The following PBX3 variants were observed in gnomAD, a reference collection of about 807,000 sequenced individuals.
The protein encoded by PBX3 is pre-B-cell leukemia transcription factor 3.
A neutral mutation model predicts 48.5 loss-of-function variants in PBX3; 14 were observed. That is an observed-to-expected ratio of 0.29 (90% CI 0.19 to 0.45). The LOEUF (loss-of-function observed/expected upper bound fraction) is 0.45. Ranked by LOEUF, PBX3 falls within the 20% of genes least tolerant of loss-of-function variation. The pLI is 1.00. For missense variants in PBX3, 386 were observed against 546.7 expected (o/e 0.71, Z 2.93); for synonymous variants, 210 against 200.3 (o/e 1.05, Z -0.41).
intron 2 of PBX3, among the ~76,000 whole-genome samples, chr9:125,909,704 A>G (rs916705449): frequency 6.6e-6 from 1 of 152,112 alleles, no homozygotes; most frequent in Non-Finnish European, 1.5e-5. Flanking sequence ...TCATAGAAAA[A>G]CACTGGTGAT....
chr9:125,843,713 A>C, intron 2 of PBX3: 1 of 432,934 alleles, frequency 2.3e-6, no homozygotes, highest in South Asian at 1.6e-5. Flanking sequence ...TTATGCTTTT[A>C]GTAGTCATTT....
chr9:125,902,122 G>A (rs1444505342), intron 2 of PBX3, among the ~76,000 whole-genome samples: 1 of 151,348 alleles, frequency 6.6e-6, no homozygotes, highest in African/African-American at 2.4e-5. Flanking sequence ...TATGGAGAGA[G>A]GCTAGTAGCG....
rs1295161738 is a variant in PBX3 at position 125,794,060 on chromosome 9, C to T, written c.274+45437C>T. ...TGTTTTCTTACAAATATGATGTTTT[C>T]TTACAAAAGCCTGATAAACTGAATT... On this transcript the variant is annotated intron_variant, in intron 2 of 8. Transcript: ENST00000373489. Among the ~76,000 whole-genome samples the T allele has an allele frequency of 3.3e-5, 5 of 152,056 alleles. No homozygotes were observed. In the South Asian group the frequency reaches 6.2e-4, roughly 19 times the overall value.
chr9:125,886,380 C>A (rs908869742), intron 2 of PBX3, among the ~76,000 whole-genome samples: 1 of 152,134 alleles, frequency 6.6e-6, no homozygotes, highest in African/African-American at 2.4e-5. Context: ...TATCTCCTCA[C>A]TGAAAATCTT....
chr9:125,832,287 C>G (rs1359872545), intron 2 of PBX3, among the ~76,000 whole-genome samples: 1 of 151,966 alleles, frequency 6.6e-6, no homozygotes, highest in African/African-American at 2.4e-5. Context: ...GCTCTGCCTC[C>G]CGGGTTCATG....
intron 2 of PBX3, among the ~76,000 whole-genome samples, chr9:125,869,807 A>T (rs1233721392): frequency 6.6e-6 from 1 of 152,206 alleles, no homozygotes; most frequent in African/African-American, 2.4e-5. Context: ...AGTAGCAACA[A>T]TAATGAGAAA....
rs1554730092 is a variant in PBX3, at chr9:125,929,613, G to A, written c.517-42G>A. On this transcript the variant is annotated intron_variant, in intron 3 of 8. Coordinates refer to ENST00000373489, the MANE Select transcript of PBX3 (RefSeq NM_006195.6). ...GATGAGTGAATGTCTTCGTGTGATA[G>A]TAGATAGTTTCCAAAGGAGTGATTT... 1.0e-5 allele frequency: 14 copies of A among 1,388,314 alleles called. No homozygotes were observed. In the South Asian group the frequency reaches 1.6e-4, roughly 16 times the overall value. 86.0% of individuals were successfully genotyped at this position (1,388,314 alleles called of 1,614,324 possible). A position where few individuals can be genotyped will look rare whatever the true frequency, so the allele number is the denominator to read the frequency against.
At chr9:125,835,474 A>G (rs2132209141) in intron 2 of PBX3, among the ~76,000 whole-genome samples, 1 of 152,192 alleles carries the variant, frequency 6.6e-6, no homozygotes, top group Admixed American at 6.5e-5. Context: ...TTAATTGACA[A>G]GGGATTAATA....
At chr9:125,826,773 G>C (rs1482081627) in intron 2 of PBX3, among the ~76,000 whole-genome samples, 1 of 151,934 alleles carries the variant, frequency 6.6e-6, no homozygotes, top group African/African-American at 2.4e-5. Context: ...CTATATTTAT[G>C]GTGTACATGT....
At chr9:125,866,866 T>C (rs1839994316) in intron 2 of PBX3, among the ~76,000 whole-genome samples, 1 of 152,228 alleles carries the variant, frequency 6.6e-6, no homozygotes, top group Admixed American at 6.5e-5. Context: ...GGTACCTCAA[T>C]ACTGAATTTG....
intron 2 of PBX3, among the ~76,000 whole-genome samples, chr9:125,889,332 A>G (rs1249935235): frequency 6.6e-6 from 1 of 152,248 alleles, no homozygotes; most frequent in African/African-American, 2.4e-5. Context: ...GCACGGGCCG[A>G]GCCACGGCTC....
intron 2 of PBX3, among the ~76,000 whole-genome samples, chr9:125,773,362 C>G (rs1386000567): frequency 2.0e-5 from 3 of 152,142 alleles, no homozygotes; most frequent in Non-Finnish European, 4.4e-5. Context: ...TTTCAGAAAG[C>G]CTTTTGACCA....
chr9:125,882,056 A>G (rs1246799658), intron 2 of PBX3, among the ~76,000 whole-genome samples: 1 of 151,672 alleles, frequency 6.6e-6, no homozygotes, highest in Non-Finnish European at 1.5e-5. Flanking sequence ...TAAATAAATA[A>G]TAAAATAAAA....
At chr9:125,891,277 C>T (rs1205170720) in intron 2 of PBX3, among the ~76,000 whole-genome samples, 1 of 152,084 alleles carries the variant, frequency 6.6e-6, no homozygotes, top group African/African-American at 2.4e-5. Flanking sequence ...CTTTTAAGTA[C>T]TTACAATTTA....
At chr9:125,872,910 AGAATTTC>A (rs1287915211) in intron 2 of PBX3, among the ~76,000 whole-genome samples, 1 of 151,708 alleles carries the variant, frequency 6.6e-6, no homozygotes, top group Non-Finnish European at 1.5e-5. Flanking sequence ...AAAAATTGAC[AGAATTTC>A]GGCTGGGCGC....
intron 2 of PBX3, among the ~76,000 whole-genome samples, chr9:125,804,066 A>G (rs939327988): frequency 2.6e-5 from 4 of 152,236 alleles, no homozygotes; most frequent in African/African-American, 9.6e-5. Context: ...CTCTTGCTAC[A>G]TTTGCTGTCA....
intron 5 of PBX3, among the ~76,000 whole-genome samples, chr9:125,938,053 A>ACTT (rs1841877578): frequency 1.3e-5 from 2 of 152,190 alleles, no homozygotes; most frequent in Non-Finnish European, 2.9e-5. Context: ...CATAGAGAAA[A>ACTT]CCAACTTTAA....
chr9:125,801,011 C>G (rs1279832174), intron 2 of PBX3, among the ~76,000 whole-genome samples: 2 of 152,030 alleles, frequency 1.3e-5, no homozygotes, highest in Non-Finnish European at 2.9e-5. Flanking sequence ...CCTTGGCCCC[C>G]CAGTGTTGGG....
chr9:125,912,797 A>G (rs959665774), intron 2 of PBX3, among the ~76,000 whole-genome samples: 1 of 152,148 alleles, frequency 6.6e-6, no homozygotes, highest in Non-Finnish European at 1.5e-5. Context: ...GAAGATATCA[A>G]GATATTTTGA....
Sources: gnomAD v4.1 joint callset for allele counts (sites outside exome capture counted in the v4.1 genomes callset) on GRCh38, gnomAD v4.1.1 for gene constraint, MANE v1.5 for transcripts, NCBI Gene and HGNC (gene_info 2026-07-23, HGNC 2026-07-21) for gene names.